Variants in PIGG observed in about 807,000 individuals in gnomAD.
PIGG encodes phosphatidylinositol glycan anchor biosynthesis class G (EMM blood group).
In PIGG, 70 loss-of-function variants were observed where a neutral mutation model predicts 83.2. The observed-to-expected ratio is 0.84, with a 90% CI of 0.69 to 1.03. PIGG has a LOEUF of 1.03. Among genes scored for constraint, PIGG ranks in the 50% least tolerant of loss-of-function variants. The pLI is 0.00. For synonymous variants in PIGG, 532 were observed against 519.5 expected, an observed-to-expected ratio of 1.02 and a Z score of -0.33; for missense variants, 1,257 against 1,233.6, an observed-to-expected ratio of 1.02 and a Z score of -0.28.
At chr4:518,732 A>G (rs1724769796) in intron 6 of PIGG, among the ~76,000 whole-genome samples, 1 of 150,732 alleles carries the variant, frequency 6.6e-6, no homozygotes, top group Non-Finnish European at 1.5e-5. Context: ...GGAATGCAGG[A>G]GCCTCCCTTG....
chr4:535,004 C>T (rs1036115216), intron 12 of PIGG, among the ~76,000 whole-genome samples: 3 of 152,254 alleles, frequency 2.0e-5, no homozygotes, highest in Admixed American at 6.5e-5. Context: ...GCGTTCCCAC[C>T]GCCGCACACT....
chr4:499,353 G>A lies in PIGG; in HGVS notation c.18G>A (p.Gly6=), dbSNP rs782037035. Residue 6 remains glycine, a synonymous_variant, in exon 1 of 13, where the codon GGG becomes GGA. Coordinates refer to ENST00000453061, the MANE Select transcript of PIGG (RefSeq NM_001127178.3). Reference sequence around the variant, plus strand: ...TGTCCACGATGCGGCTGGGCTCCGGGACTTTCGCTACCTGTTGCGTAGCGA... The same window carrying A: ...TGTCCACGATGCGGCTGGGCTCCGGAACTTTCGCTACCTGTTGCGTAGCGA... MRLGS[G]TFATCCVAIE... is the part of the protein sequence containing the mutation. The A allele has an allele frequency of 7.5e-6, 12 of 1,609,000 alleles. 1 individual carries two copies. In the South Asian group the frequency reaches 1.2e-4, roughly 16 times the overall value.
At chr4:512,260 C>G (rs1404055511) in intron 5 of PIGG, among the ~76,000 whole-genome samples, 1 of 144,262 alleles carries the variant, frequency 6.9e-6, no homozygotes, top group Non-Finnish European at 1.5e-5. Context: ...TGCTCTGTCA[C>G]CCAGGCTGGA....
chr4:506,965 C>T (rs1343028587), intron 3 of PIGG: 1 of 343,916 alleles, frequency 2.9e-6, no homozygotes, highest in Non-Finnish European at 6.1e-6. Flanking sequence ...TCAGTTATGC[C>T]CATTAAGCCC....
In PIGG at chr4:523,537, C is replaced by T; in HGVS notation, c.1693C>T (p.Leu565=). ...LLGTAGHVLS[L]GASSFVEEEH... ...GGGGACGGCGGGCCACGTCTTGAGC[C>T]TGGGCGCCAGCAGCTTCGTGGAGGA... Residue 565 remains leucine, a synonymous_variant, in exon 9 of 13, where the codon CTG becomes TTG. Transcript: ENST00000453061. 1 of 1,614,174 alleles carries T rather than the reference C, an allele frequency of 6.2e-7. No individual in the cohort carries two copies. Among genetic ancestry groups the T allele is most frequent in the Non-Finnish European group, 8.5e-7 (1 of 1,180,002 alleles).
At chr4:525,401 G>GT (rs1249599128) in intron 9 of PIGG, 2 of 980,302 alleles carry the variant, frequency 2.0e-6, no homozygotes, top group Non-Finnish European at 2.4e-6. Context: ...TGCGGCGAGA[G>GT]TAACAGCAAG....
rs1456279365 is a variant in PIGG, at chr4:533,867, G to T, written c.2621G>T (p.Gly874Val). The T allele has an allele frequency of 9.9e-6, 16 of 1,614,100 alleles. No homozygotes were observed. Among genetic ancestry groups the T allele is most frequent in the African/African-American group, 4.0e-5 (3 of 74,954 alleles). The change falls in exon 12 of 13, where the codon GGC (glycine) becomes GTC (valine). Residue 874 changes from glycine (G) to valine (V), a missense_variant. Physicochemically the swap from Gly to Val is moderately radical, Grantham distance 109 (BLOSUM62 -3). Coordinates refer to ENST00000453061, the MANE Select transcript of PIGG (RefSeq NM_001127178.3). ...GTGGACATCTCCGCAGGCTTCGTGG[G>T]CTTAGACACCTACGTGGAAATCCCA... is the stretch of plus-strand genomic sequence containing the variant. Reference protein sequence around the residue: ...ATVDISAGFVGLDTYVEIPAV... With the variant: ...ATVDISAGFVVLDTYVEIPAV...
intron 5 of PIGG, among the ~76,000 whole-genome samples, chr4:513,824 T>C (rs543755608): frequency 3.9e-5 from 6 of 152,236 alleles, no homozygotes; most frequent in African/African-American, 1.4e-4. Flanking sequence ...TTAAAATAGT[T>C]TGTGCAGGCA....
rs1439569990 is a variant in PIGG at position 516,199 on chromosome 4, C to T, written c.1114+14C>T. On this transcript the variant is annotated intron_variant, in intron 6 of 12. Transcript: ENST00000453061. ...CATATGAAAAAGGTCAGTCAACTCA[C>T]CGTTTCGAGCTCTGTCAGAGCTGTG... 1 of 1,570,998 alleles carries T rather than the reference C, an allele frequency of 6.4e-7. No individual in the cohort carries two copies. Among genetic ancestry groups the T allele is most frequent in the East Asian group, 2.2e-5 (1 of 44,642 alleles).
At position 523,451 on chromosome 4, in the gene PIGG, T is replaced by A; in HGVS notation, c.1615-8T>A. 3 of 1,592,186 alleles carry A rather than the reference T, an allele frequency of 1.9e-6. No homozygotes were observed. Among genetic ancestry groups the A allele is most frequent in the Non-Finnish European group, 2.6e-6 (3 of 1,166,344 alleles). ...CGTCTCTTACAAAGTGCACTTTCCT[T>A]TTCACAGAACCCCATGCATCCCAGC... On this transcript the variant is annotated splice_polypyrimidine_tract_variant and splice_region_variant and intron_variant, in intron 8 of 12. Coordinates refer to ENST00000453061, the MANE Select transcript of PIGG (RefSeq NM_001127178.3).
Position 505,397 on chromosome 4 carries a change from C to T in PIGG, c.361-321C>T, listed in dbSNP as rs115600446. Among the ~76,000 whole-genome samples the T allele has an allele frequency of 4.3e-3, 633 of 147,324 alleles. 2 individuals are homozygous for T. Among genetic ancestry groups the T allele is most frequent in the Non-Finnish European group, 4.8e-3 (321 of 67,500 alleles). On this transcript the variant is annotated intron_variant, in intron 2 of 12. Transcript: ENST00000453061. ...AGGGATGCCCTAGCTTTATGCTCACCTATTTTATCCATAAAAAATCTTCAG... is the reference window on the plus strand; with the variant it reads ...AGGGATGCCCTAGCTTTATGCTCACTTATTTTATCCATAAAAAATCTTCAG...
At chr4:502,285 T>C (rs1180527319) in intron 2 of PIGG, 2 of 152,192 alleles carry the variant, frequency 1.3e-5, no homozygotes, top group Non-Finnish European at 2.9e-5. Flanking sequence ...TTTGTTTCAT[T>C]TTCAGTCCTT....
At chr4:518,316 A>G (rs1385237984) in intron 6 of PIGG, among the ~76,000 whole-genome samples, 1 of 152,252 alleles carries the variant, frequency 6.6e-6, no homozygotes, top group Non-Finnish European at 1.5e-5. Flanking sequence ...AAAATTGGCC[A>G]GGTGTGGTGG....
chr4:522,322 A>G (rs1726215716), intron 8 of PIGG: 1 of 466,896 alleles, frequency 2.1e-6, no homozygotes, highest in Admixed American at 3.5e-5. Context: ...GGAAGAAGAG[A>G]CAATCGGCCT....
At chr4:500,249 C>T (rs1717145384) in intron 1 of PIGG, 147 bp from the exon 2 acceptor site, 2 of 636,776 alleles carry the variant, frequency 3.1e-6, no homozygotes, top group Non-Finnish European at 5.5e-6. Context: ...CACTACCTAC[C>T]AAGTACAAGT....
At chr4:538,734 A>G (rs879669336) in intron 12 of PIGG, among the ~76,000 whole-genome samples, 3 of 152,168 alleles carry the variant, frequency 2.0e-5, no homozygotes, top group Admixed American at 2.0e-4. Flanking sequence ...GGGGCTCCAG[A>G]GTGGCACTTC....
chr4:527,294 G>A (rs112667377), intron 10 of PIGG, 64 bp downstream of exon 10: 35 of 1,477,982 alleles, frequency 2.4e-5, no homozygotes, highest in Non-Finnish European at 2.8e-5. Flanking sequence ...TGGCGGACAC[G>A]GGGCGCGTGG....
chr4:517,452 A>G (rs1011055573), intron 6 of PIGG, among the ~76,000 whole-genome samples: 1 of 152,160 alleles, frequency 6.6e-6, no homozygotes, highest in South Asian at 2.1e-4. Context: ...TTTCCTCAGG[A>G]GGGCACGACT....
Position 539,397 on chromosome 4 carries a change from C to T in PIGG, c.*28C>T, listed in dbSNP as rs768563741. The T allele has an allele frequency of 1.5e-6, 2 of 1,337,708 alleles. No homozygotes were observed. The highest frequency in any genetic ancestry group is 3.6e-5 in the Admixed American group (2 of 54,810). The allele number at this position is 1,337,708 out of a possible 1,614,324, so 82.9% of individuals were successfully genotyped here. On this transcript the variant is annotated 3_prime_UTR_variant, in exon 13 of 13. Transcript: ENST00000453061. ...TAAGCTGAACACTGGAAAAATAATA[C>T]ATGCTTAAAGTCTGCTGTTATTCTA...
Sources: allele counts gnomAD v4.1 joint callset (sites outside exome capture counted in the v4.1 genomes callset), GRCh38; gene constraint gnomAD v4.1.1; transcripts MANE v1.5; gene names NCBI Gene and HGNC (gene_info 2026-07-23, HGNC 2026-07-21).